Variants in NLRP11 observed in about 807,000 individuals in gnomAD.
NLRP11 encodes the protein NACHT, LRR and PYD domains-containing protein 11.
A neutral mutation model predicts 79.3 loss-of-function variants in NLRP11; 53 were observed. The ratio of observed to expected loss-of-function variants is 0.67; its 90% CI spans 0.54 to 0.84. NLRP11 has a LOEUF of 0.84. NLRP11 is among the 40% of genes least tolerant of loss of function. The pLI, the probability that NLRP11 is intolerant of heterozygous loss-of-function variation, is 0.00. For synonymous variants in NLRP11, 518 were observed against 462.6 expected, an observed-to-expected ratio of 1.12 and a Z score of -1.54; for missense variants, 1,264 against 1,255.0, an observed-to-expected ratio of 1.01 and a Z score of -0.11.
intron 1 of NLRP11, 92 bp from the exon 2 acceptor site, chr19:55,818,328 G>T (rs538163728): frequency 3.1e-6 from 2 of 639,432 alleles, no homozygotes; most frequent in Middle Eastern, 4.2e-4. Context: ...TGGTGTGATA[G>T]AAGCTCCTTT....
intron 9 of NLRP11, among the ~76,000 whole-genome samples, chr19:55,788,031 C>T (rs115073737): frequency 0.014 from 2,197 of 152,282 alleles, 56 homozygotes; most frequent in African/African-American, 0.051. Flanking sequence ...GGAGTCCTGA[C>T]ACTCACATAG....
intron 1 of NLRP11, among the ~76,000 whole-genome samples, chr19:55,822,823 G>A (rs1350960321): frequency 1.3e-5 from 2 of 152,128 alleles, no homozygotes; most frequent in African/African-American, 2.4e-5. Context: ...CAAGGCGGCA[G>A]CTAGGCTGGG....
chr19:55,819,543 T>C (rs968354482), intron 1 of NLRP11, among the ~76,000 whole-genome samples: 6 of 152,146 alleles, frequency 3.9e-5, no homozygotes, highest in African/African-American at 1.2e-4. Flanking sequence ...TCAGAGTTTA[T>C]GACAAAGGTA....
intron 5 of NLRP11, among the ~76,000 whole-genome samples, chr19:55,800,303 TATTC>T (rs1979351848): frequency 6.6e-6 from 1 of 152,148 alleles, no homozygotes; most frequent in Non-Finnish European, 1.5e-5. Flanking sequence ...TGGAATTTAT[TATTC>T]ATTTATTTAT....
At chr19:55,833,507 T>C (rs1226544228), upstream of NLRP11, among the ~76,000 whole-genome samples, 1 of 151,978 alleles carries the variant, frequency 6.6e-6, no homozygotes, top group Non-Finnish European at 1.5e-5. Context: ...GGCTCATGCC[T>C]GTAATCCCAG....
Position 55,792,288 on chromosome 19 carries a change from G to T in NLRP11, c.2513+13C>A, listed in dbSNP as rs370671887. 28 of 1,611,340 alleles carry T rather than the reference G, an allele frequency of 1.7e-5. No homozygotes were observed. In the African/African-American group the frequency reaches 2.4e-4, roughly 14 times the overall value. Reference sequence around the variant, plus strand: ...AGAAACACAGTCATCCAGGACAACTGTGGGAGACTTACTGAAGCTCCTCTA... The same window carrying T: ...AGAAACACAGTCATCCAGGACAACTTTGGGAGACTTACTGAAGCTCCTCTA... On this transcript the variant is annotated intron_variant, in intron 7 of 9. Coordinates refer to ENST00000589093, the Ensembl canonical transcript of NLRP11.
intron 5 of NLRP11, among the ~76,000 whole-genome samples, chr19:55,797,494 A>G (rs1175125101): frequency 1.3e-5 from 2 of 152,356 alleles, no homozygotes; most frequent in East Asian, 1.9e-4. Context: ...GATACAGCAG[A>G]AAACTGGAAG....
chr19:55,817,041 G>A (rs1051061993), intron 2 of NLRP11, among the ~76,000 whole-genome samples: 1 of 151,972 alleles, frequency 6.6e-6, no homozygotes, highest in African/African-American at 2.4e-5. Flanking sequence ...TACACAAATG[G>A]CCAGTATCTG....
chr19:55,794,567 T>C (rs60831173), intron 6 of NLRP11, among the ~76,000 whole-genome samples: 3,485 of 152,242 alleles, frequency 0.023, 52 homozygotes, highest in Middle Eastern at 0.071. Context: ...GAGACCATCC[T>C]GGCTGACACG....
intron 2 of NLRP11, among the ~76,000 whole-genome samples, chr19:55,810,902 CTCA>C (rs1483282284): frequency 6.6e-6 from 1 of 152,230 alleles, no homozygotes; most frequent in Admixed American, 6.5e-5. Context: ...GGGCTTCCCT[CTCA>C]TGTCTTGGCA....
At chr19:55,790,210 A>T (rs528555662) in intron 7 of NLRP11, among the ~76,000 whole-genome samples, 37 of 152,308 alleles carry the variant, frequency 2.4e-4, no homozygotes, top group African/African-American at 8.4e-4. Flanking sequence ...GGATTGAATT[A>T]AAAAAGTTTC....
intron 9 of NLRP11, among the ~76,000 whole-genome samples, chr19:55,787,075 G>A (rs544636661): frequency 2.0e-5 from 3 of 152,264 alleles, no homozygotes; most frequent in African/African-American, 7.2e-5. Flanking sequence ...GACATGAGTG[G>A]GAAATGAGTT....
intron 6 of NLRP11, among the ~76,000 whole-genome samples, 162 bp from the exon 7 acceptor site, chr19:55,792,633 C>T (rs1419636269): frequency 6.6e-6 from 1 of 152,124 alleles, no homozygotes; most frequent in Non-Finnish European, 1.5e-5. Context: ...TTAGAAGTAC[C>T]CCAAATAGTG....
chr19:55,822,773 G>A (rs989396649), intron 1 of NLRP11, among the ~76,000 whole-genome samples: 16 of 152,062 alleles, frequency 1.1e-4, no homozygotes, highest in Non-Finnish European at 1.8e-4. Context: ...TGCCCACGGA[G>A]TCTCGCTGAT....
exon 3 of NLRP11, chr19:55,810,257 T>C (rs750810267): frequency 6.2e-7 from 1 of 1,613,856 alleles, no homozygotes; most frequent in Admixed American, 1.7e-5. Context: ...AAAAAATTTA[T>C]AATGAAATTT....
At chr19:55,785,918 C>G in intron 9 of NLRP11, 47 bp from the exon 10 acceptor site, 12 of 1,577,818 alleles carry the variant, frequency 7.6e-6, no homozygotes, top group Non-Finnish European at 1.0e-5. Context: ...CATGTGAGGT[C>G]TCAGCTTTGT....
chr19:55,804,122 A>G (rs1350049686), intron 4 of NLRP11, among the ~76,000 whole-genome samples: 1 of 152,096 alleles, frequency 6.6e-6, no homozygotes, highest in Non-Finnish European at 1.5e-5. Context: ...GTGTGTGTGT[A>G]TAAATAAAAC....
At chr19:55,798,294 G>T in intron 5 of NLRP11, 2 of 983,414 alleles carry the variant, frequency 2.0e-6, no homozygotes, top group Non-Finnish European at 2.4e-6. Context: ...CGTCGCGTTG[G>T]CCTGTGTATT....
intron 2 of NLRP11, among the ~76,000 whole-genome samples, chr19:55,815,160 CAA>C (rs1980977325): frequency 6.6e-6 from 1 of 151,942 alleles, no homozygotes; most frequent in African/African-American, 2.4e-5. Context: ...ATATGGGTGA[CAA>C]ATGTTTTAAA....
Sources: allele counts gnomAD v4.1 joint callset (sites outside exome capture counted in the v4.1 genomes callset), GRCh38; gene constraint gnomAD v4.1.1; transcripts MANE v1.5; gene names NCBI Gene and HGNC (gene_info 2026-07-23, HGNC 2026-07-21).